MCU: variants seen among roughly 807,000 people sequenced by gnomAD.
MCU encodes mitochondrial calcium uniporter.
MCU carries 12 observed loss-of-function variants against 45.2 expected under a neutral mutation model. The observed-to-expected ratio is 0.27, with a 90% confidence interval of 0.17 to 0.43. The LOEUF (loss-of-function observed/expected upper bound fraction) is 0.43. Among genes scored for constraint, MCU ranks in the 20% least tolerant of loss-of-function variants. The probability of loss-of-function intolerance (pLI) is 1.00; values close to 1 mark genes in which losing one functional copy is unlikely to be tolerated. For synonymous variants in MCU, 160 were observed against 165.1 expected, an observed-to-expected ratio of 0.97 and a Z score of 0.24; for missense variants, 324 against 436.7, an observed-to-expected ratio of 0.74 and a Z score of 2.30.
chr10:72,718,784 A>C (rs1353123686), intron 1 of MCU, among the ~76,000 whole-genome samples: 1 of 152,224 alleles, frequency 6.6e-6, no homozygotes, highest in African/African-American at 2.4e-5. Context: ...TAACCACATA[A>C]TGAGTATTGA....
intron 1 of MCU, among the ~76,000 whole-genome samples, chr10:72,754,832 C>A (rs200564515): frequency 2.2e-5 from 3 of 137,520 alleles, no homozygotes; most frequent in African/African-American, 1.1e-4. Context: ...GCCTCAAAAA[C>A]AACAACAACA....
Position 72,859,350 on chromosome 10 carries a change from A to G in MCU, c.391+3A>G. Reference sequence around the variant, plus strand: ...CAGAGTTGCTATCTATTCACCAGGTATAGTCACCATCATTATTAATTACCA... The same window carrying G: ...CAGAGTTGCTATCTATTCACCAGGTGTAGTCACCATCATTATTAATTACCA... On this transcript the variant is annotated splice_donor_region_variant and intron_variant, in intron 3 of 7. Transcript: ENST00000373053. The G allele has an allele frequency of 1.2e-6, 2 of 1,604,510 alleles. No individual in the cohort carries two copies. Among genetic ancestry groups the G allele is most frequent in the Non-Finnish European group, 1.7e-6 (2 of 1,174,912 alleles).
At chr10:72,793,870 CAAGACCCACTTCTTGATGGGAGGAAT>C (rs1844205061) in intron 1 of MCU, among the ~76,000 whole-genome samples, 1 of 152,134 alleles carries the variant, frequency 6.6e-6, no homozygotes, top group South Asian at 2.1e-4. Context: ...TACTCAGATT[CAAGACCCACTTCTTGATGGGAGGAAT>C]AACAGCTTGA....
At chr10:72,730,340 ACT>A (rs1240534804) in intron 1 of MCU, among the ~76,000 whole-genome samples, 1 of 118,514 alleles carries the variant, frequency 8.4e-6, no homozygotes, top group Non-Finnish European at 1.6e-5. Context: ...ACGGAGTCTC[ACT>A]CTGTCACCTA....
chr10:72,769,161 G>A (rs763503687), intron 1 of MCU, among the ~76,000 whole-genome samples: 9 of 152,016 alleles, frequency 5.9e-5, no homozygotes, highest in African/African-American at 9.7e-5. Context: ...GTAGTTTTTG[G>A]TCCTGGAACT....
rs146605889 is a variant in MCU, at chr10:72,781,529, A to G, written c.151-52830A>G. Among the ~76,000 whole-genome samples, 906 of 152,308 alleles carry G rather than the reference A, an allele frequency of 5.9e-3. 12 individuals are homozygous for G. Among genetic ancestry groups the G allele is most frequent in the African/African-American group, 0.021 (854 of 41,564 alleles). ...ATTTGAAGTATCATTCATTTATTCC[A>G]TGTTTGGTTAAAACAAGCCTTTCGG... On this transcript the variant is annotated intron_variant, in intron 1 of 7. Coordinates refer to ENST00000373053, the MANE Select transcript of MCU (RefSeq NM_138357.3).
chr10:72,869,638 A>C (rs967285003), intron 5 of MCU, among the ~76,000 whole-genome samples: 2 of 152,148 alleles, frequency 1.3e-5, no homozygotes, highest in Non-Finnish European at 2.9e-5. Context: ...ACAACAACAA[A>C]AAAATACAAA....
chr10:72,753,821 G>A lies in MCU; in HGVS notation c.150+61520G>A, dbSNP rs186329217. ...CGGAGCCTGGGAGATTGAGATTGCA[G>A]TGATCTGTGATCACGCCACTGCACT... is the stretch of plus-strand genomic sequence containing the variant. On this transcript the variant is annotated intron_variant, in intron 1 of 7. Transcript: ENST00000373053. 1.1e-3 allele frequency among the ~76,000 whole-genome samples: 168 copies of A among 152,204 alleles called. 1 individual carries two copies. The highest frequency in any genetic ancestry group is 3.9e-3 in the African/African-American group (161 of 41,526).
chr10:72,773,139 C>G (rs1589453001), intron 1 of MCU, among the ~76,000 whole-genome samples: 1 of 152,144 alleles, frequency 6.6e-6, no homozygotes, highest in East Asian at 1.9e-4. Context: ...TCAAGTGTTC[C>G]TCCTACCTTA....
Position 72,692,163 on chromosome 10 carries a change from C to A in MCU, c.12C>A (p.Ala4=), listed in dbSNP as rs780598597. 3 of 1,291,422 alleles carry A rather than the reference C, an allele frequency of 2.3e-6. No homozygotes were observed. Among genetic ancestry groups the A allele is most frequent in the South Asian group, 7.1e-5 (2 of 28,250 alleles). The allele number at this position is 1,291,422 out of a possible 1,614,324, so 80.0% of individuals were successfully genotyped here. A position where few individuals can be genotyped will look rare whatever the true frequency, so the allele number is the denominator to read the frequency against. ...TTTCCAGTTGAGAGATGGCGGCCGC[C>A]GCAGGTAGATCGCTCCTGCTGCTCC... MAA[A]AGRSLLLLLS... The change falls in exon 1 of 8, where the codon GCC becomes GCA. Residue 4 remains alanine (A), a synonymous_variant. Coordinates refer to ENST00000373053, the MANE Select transcript of MCU (RefSeq NM_138357.3).
rs187279489 is a variant in MCU, at chr10:72,791,562, G to T, written c.151-42797G>T. 4.3e-3 allele frequency among the ~76,000 whole-genome samples: 656 copies of T among 152,112 alleles called. 4 individuals carry two copies. The highest frequency in any genetic ancestry group is 0.015 in the African/African-American group (624 of 41,502). ...CTATGCCTTTTCTTTCTCTTTCTTT[G>T]AGGTTTTATCTGAGTTATATCGCTT... On this transcript the variant is annotated intron_variant, in intron 1 of 7. Coordinates refer to ENST00000373053, the MANE Select transcript of MCU (RefSeq NM_138357.3).
chr10:72,724,234 G>C (rs946096919), intron 1 of MCU, among the ~76,000 whole-genome samples: 3 of 152,146 alleles, frequency 2.0e-5, no homozygotes, highest in African/African-American at 7.2e-5. Flanking sequence ...GAAGGTATCA[G>C]AATTACTCTC....
rs113569287 is a variant in MCU at position 72,808,988 on chromosome 10, T to C, written c.151-25371T>C. Among the ~76,000 whole-genome samples the C allele has an allele frequency of 7.6e-3, 1,159 of 152,286 alleles. 11 individuals are homozygous for C. Among genetic ancestry groups the C allele is most frequent in the South Asian group, 0.049 (234 of 4,824 alleles). ...AGCCAAACCGTATCACCTTGGAAAT[T>C]ATAAGATGTTTTGTCTTTATCCTTT... On this transcript the variant is annotated intron_variant, in intron 1 of 7. Transcript: ENST00000373053.
At chr10:72,865,041 G>A (rs898817594) in intron 4 of MCU, among the ~76,000 whole-genome samples, 11 of 152,100 alleles carry the variant, frequency 7.2e-5, no homozygotes, top group Admixed American at 6.6e-4. Flanking sequence ...CATGTATTAT[G>A]TTGTCAAAAA....
intron 6 of MCU, among the ~76,000 whole-genome samples, chr10:72,883,211 G>C (rs1845731961): frequency 6.6e-6 from 1 of 152,174 alleles, no homozygotes; most frequent in Admixed American, 6.5e-5. Flanking sequence ...TAGCTGCCTA[G>C]AACTGGGGGT....
At chr10:72,743,065 A>T (rs879744266) in intron 1 of MCU, among the ~76,000 whole-genome samples, 7 of 151,836 alleles carry the variant, frequency 4.6e-5, no homozygotes, top group Admixed American at 1.3e-4. Context: ...AGACTTGATC[A>T]TCATGTTGTA....
intron 1 of MCU, among the ~76,000 whole-genome samples, chr10:72,798,155 A>G (rs1844280316): frequency 6.6e-6 from 1 of 152,238 alleles, no homozygotes; most frequent in Non-Finnish European, 1.5e-5. Context: ...AAATGTGCCT[A>G]TAATGCATAC....
At chr10:72,758,626 G>A (rs966600543) in intron 1 of MCU, among the ~76,000 whole-genome samples, 4 of 152,284 alleles carry the variant, frequency 2.6e-5, no homozygotes, top group African/African-American at 9.6e-5. Context: ...CTGCTTGTGG[G>A]TGGATTAGAT....
chr10:72,828,978 T>A (rs1844837753), intron 1 of MCU, among the ~76,000 whole-genome samples: 1 of 152,192 alleles, frequency 6.6e-6, no homozygotes, highest in African/African-American at 2.4e-5. Flanking sequence ...TGCTGTTTCT[T>A]TTCAAGGAAC....
Sources: gnomAD v4.1 joint callset for allele counts (sites outside exome capture counted in the v4.1 genomes callset) on GRCh38, gnomAD v4.1.1 for gene constraint, MANE v1.5 for transcripts, NCBI Gene and HGNC (gene_info 2026-07-23, HGNC 2026-07-21) for gene names.